RALGDS: variants seen among roughly 807,000 people sequenced by gnomAD.
RALGDS encodes the protein ral guanine nucleotide dissociation stimulator.
In RALGDS, 44 loss-of-function variants were observed where a neutral mutation model predicts 99.8. The ratio of observed to expected loss-of-function variants is 0.44; its 90% confidence interval spans 0.35 to 0.57. RALGDS has a LOEUF of 0.57. Ranked by LOEUF, RALGDS falls within the 20% of genes least tolerant of loss-of-function variation. RALGDS has a pLI of 0.01. For synonymous variants in RALGDS, 529 were observed against 505.0 expected, an observed-to-expected ratio of 1.05 and a Z score of -0.64; for missense variants, 1,022 against 1,203.1, an observed-to-expected ratio of 0.85 and a Z score of 2.23.
chr9:133,105,579 G>A (rs962738967), intron 9 of RALGDS, among the ~76,000 whole-genome samples: 14 of 152,088 alleles, frequency 9.2e-5, no homozygotes, highest in Admixed American at 6.5e-4. Flanking sequence ...AGACTGGGCC[G>A]GTGTGGGGGC....
At chr9:133,124,039 GACACAC>G (rs1218776206), upstream of RALGDS, among the ~76,000 whole-genome samples, 1 of 47,852 alleles carries the variant, frequency 2.1e-5, no homozygotes, top group Non-Finnish European at 4.4e-5. Context: ...CACACACAGA[GACACAC>G]AGAGAGACAG....
intron 1 of RALGDS, among the ~76,000 whole-genome samples, chr9:133,120,769 C>T (rs1004487867): frequency 1.3e-5 from 2 of 152,308 alleles, no homozygotes; most frequent in South Asian, 2.1e-4. Context: ...TACTGTTGGA[C>T]GGGGCGCGGC....
intron 17 of RALGDS, 35 bp downstream of exon 17, chr9:133,100,233 C>A: frequency 6.3e-7 from 1 of 1,584,516 alleles, no homozygotes; most frequent in Non-Finnish European, 8.7e-7. Flanking sequence ...GTGGACCTGC[C>A]CCCTCTGCCA....
At chr9:133,113,628 C>A (rs1039850438) in intron 1 of RALGDS, among the ~76,000 whole-genome samples, 1 of 152,228 alleles carries the variant, frequency 6.6e-6, no homozygotes, top group Non-Finnish European at 1.5e-5. Context: ...CGCTCACCCC[C>A]CTTTTCCTGA....
chr9:133,148,850 G>C, intron 1 of RALGDS: 1 of 1,360,528 alleles, frequency 7.4e-7, no homozygotes, highest in Non-Finnish European at 1.0e-6. Context: ...AGCTGCGTAA[G>C]CGCACGCTCA....
intron 1 of RALGDS, among the ~76,000 whole-genome samples, chr9:133,142,176 T>G (rs1588573335): frequency 6.6e-6 from 1 of 151,362 alleles, no homozygotes; most frequent in Non-Finnish European, 1.5e-5. Context: ...TGGACTGGGG[T>G]GTCCCTCAGG....
At chr9:133,118,164 C>T (rs1269942837) in intron 1 of RALGDS, among the ~76,000 whole-genome samples, 1 of 152,222 alleles carries the variant, frequency 6.6e-6, no homozygotes. Flanking sequence ...CCTTCAGAGT[C>T]ACCCAGGAAG....
At chr9:133,129,033 G>T in intron 1 of RALGDS, 1 of 1,330,820 alleles carries the variant, frequency 7.5e-7, no homozygotes, top group Non-Finnish European at 1.0e-6. Context: ...ACCAGTTCTG[G>T]CAGGGAAGAA....
At chr9:133,122,896 G>A (rs1257175723), upstream of RALGDS, among the ~76,000 whole-genome samples, 1 of 152,082 alleles carries the variant, frequency 6.6e-6, no homozygotes. Context: ...TAGAGACAGG[G>A]TTTCACCATG....
Position 133,102,590 on chromosome 9 carries a change from T to C in RALGDS, c.1914-19A>G. On this transcript the variant is annotated intron_variant, in intron 13 of 17. Coordinates refer to ENST00000372050, the MANE Select transcript of RALGDS (RefSeq NM_006266.4). ...GTTGTAGCTATGAGCAGAGGGGCAG[T>C]GGTGTGACAACCAGGGGCCATGCTC... 1.2e-6 allele frequency: 2 copies of C among 1,612,874 alleles called. No individual in the cohort carries two copies. Among genetic ancestry groups the C allele is most frequent in the East Asian group, 2.2e-5 (1 of 44,874 alleles).
rs1013970942 is a variant in RALGDS at position 133,103,923 on chromosome 9, G to A, written c.1672-90C>T. The A allele has an allele frequency of 3.8e-6, 5 of 1,318,958 alleles. No homozygotes were observed. In the Admixed American group the frequency reaches 5.2e-5, roughly 14 times the overall value. The allele number at this position is 1,318,958 out of a possible 1,614,324, so 81.7% of individuals were successfully genotyped here. On this transcript the variant is annotated intron_variant, in intron 10 of 17. Coordinates refer to ENST00000372050, the MANE Select transcript of RALGDS (RefSeq NM_006266.4). ...CCAACTGGTCTCACTTGGAACAGCTGGGGGACCTCTGGGGGCCTCCTGGGG... is the reference window on the plus strand; with the variant it reads ...CCAACTGGTCTCACTTGGAACAGCTAGGGGACCTCTGGGGGCCTCCTGGGG...
intron 1 of RALGDS, among the ~76,000 whole-genome samples, chr9:133,118,277 G>A (rs1312841755): frequency 2.0e-5 from 3 of 152,244 alleles, no homozygotes; most frequent in African/African-American, 7.2e-5. Flanking sequence ...GTGCTCATGA[G>A]CCCTGGGGAT....
chr9:133,123,007 T>C (rs2119223016), upstream of RALGDS, among the ~76,000 whole-genome samples: 1 of 152,116 alleles, frequency 6.6e-6, no homozygotes, highest in Non-Finnish European at 1.5e-5. Context: ...CCAGCCTGTT[T>C]TTGTTTTTTT....
rs34054856 is a variant in RALGDS at position 133,108,066 on chromosome 9, G to C, written c.1119C>G (p.Asn373Lys). Residue 373 changes from asparagine (N) to lysine (K), a missense_variant, in exon 6 of 18, where the codon AAC becomes AAG. This residue lies in a region of RALGDS where 825 missense variants were observed against 994.5 expected (regional missense o/e 0.83). Coordinates refer to ENST00000372050, the MANE Select transcript of RALGDS (RefSeq NM_006266.4). ...GGTGAGGCTTCTCCTCACTCAGCCC[G>C]TTCTCTGCAACCACAGGTGAAGGCC... ...PSWPSPVVAE[N>K]GLSEEKPHLL... is the part of the protein sequence containing the mutation. The C allele has an allele frequency of 2.5e-6, 4 of 1,613,562 alleles. No homozygotes were observed. The African/African-American group carries it at 5.3e-5, about 22-fold the overall frequency.
chr9:133,108,803 C>T lies in RALGDS; in HGVS notation c.648G>A (p.Pro216=), dbSNP rs745318169. The change falls in exon 5 of 18, where the codon CCG becomes CCA. Residue 216 remains proline (P), a synonymous_variant. Transcript: ENST00000372050. ...CCAGCTGCTTGAGGCAGGGAAAGTC[C>T]GGAGGTTGACAGAAATCCTCCGAGT... ...DQYSEDFCQP[P]DFPCLKQLVA... The T allele has an allele frequency of 1.7e-5, 27 of 1,613,288 alleles. No homozygotes were observed. The highest frequency in any genetic ancestry group is 1.7e-4 in the Admixed American group (10 of 59,992).
At position 133,101,379 on chromosome 9, in the gene RALGDS, C is replaced by G. The variant is rs770804753; in HGVS notation, c.2454+141G>C. 5.1e-6 allele frequency: 8 copies of G among 1,555,454 alleles called. No individual in the cohort carries two copies. The South Asian group carries it at 9.0e-5, about 17-fold the overall frequency. ...CAGCCTTGTCCCTGATCACTACCTTCTTCATTTCTGTACCTGGCTGACATC... is the reference window on the plus strand; with the variant it reads ...CAGCCTTGTCCCTGATCACTACCTTGTTCATTTCTGTACCTGGCTGACATC... On this transcript the variant is annotated intron_variant, in intron 16 of 17. Transcript: ENST00000372050.
In RALGDS at chr9:133,110,289, T is replaced by C. The variant is rs201833640; in HGVS notation, c.488+7A>G. 1.6e-4 allele frequency: 253 copies of C among 1,612,568 alleles called. 1 individual carries two copies. The highest frequency in any genetic ancestry group is 1.9e-4 in the Non-Finnish European group (228 of 1,178,880). On this transcript the variant is annotated splice_region_variant and intron_variant, in intron 3 of 17. Coordinates refer to ENST00000372050, the MANE Select transcript of RALGDS (RefSeq NM_006266.4). Reference sequence around the variant, plus strand: ...TGCACCCTGTGCAGTGGAGGGCTCATGCTCACCTTTTGAACAGCAGGTCCA... The same window carrying C: ...TGCACCCTGTGCAGTGGAGGGCTCACGCTCACCTTTTGAACAGCAGGTCCA...
At chr9:133,143,998 C>A (rs7020407) in intron 1 of RALGDS, among the ~76,000 whole-genome samples, 48,829 of 151,700 alleles carry the variant, frequency 0.32, 8,294 homozygotes, top group Non-Finnish European at 0.38. Context: ...GCTGTGCTGA[C>A]CCCCACCAGG....
At chr9:133,125,684 C>T (rs191536210), upstream of RALGDS, among the ~76,000 whole-genome samples, 1 of 152,134 alleles carries the variant, frequency 6.6e-6, no homozygotes, top group East Asian at 1.9e-4. Context: ...TGCAGTGAGC[C>T]GAGATTGCAC....
Sources: allele counts gnomAD v4.1 joint callset (sites outside exome capture counted in the v4.1 genomes callset), GRCh38; gene constraint gnomAD v4.1.1; regional missense constraint gnomAD v4.1.1; transcripts MANE v1.5; gene names NCBI Gene and HGNC (gene_info 2026-07-23, HGNC 2026-07-21).